The following DNAH7 variants were observed in gnomAD, a reference collection of about 807,000 sequenced individuals.
The protein encoded by DNAH7 is axonemal beta dynein heavy chain 7.
In DNAH7, 397 loss-of-function variants were observed where a neutral mutation model predicts 444.6. The observed-to-expected ratio is 0.89, with a 90% confidence interval of 0.82 to 0.97. The LOEUF is 0.97. DNAH7 is among the 50% of genes least tolerant of loss of function. DNAH7 has a pLI of 0.00. For synonymous variants in DNAH7, 1,636 were observed against 1,624.4 expected (o/e 1.01, Z -0.17); for missense variants, 4,902 against 4,800.8 (o/e 1.02, Z -0.62).
chr2:195,923,830 A>T, intron 22 of DNAH7, 23 bp from the exon 23 acceptor site: 1 of 1,601,080 alleles, frequency 6.2e-7, no homozygotes, highest in Non-Finnish European at 8.6e-7. Context: ...AAAATAAGAT[A>T]TGATTTCCCA....
intron 5 of DNAH7, among the ~76,000 whole-genome samples, chr2:196,039,358 C>T (rs1696586526): frequency 6.6e-6 from 1 of 151,816 alleles, no homozygotes; most frequent in South Asian, 2.1e-4. Context: ...AAAAGCAGTG[C>T]TAGAAGGGAA....
chr2:196,044,601 T>C (rs1426292405), intron 5 of DNAH7, among the ~76,000 whole-genome samples: 3 of 152,024 alleles, frequency 2.0e-5, no homozygotes, highest in Admixed American at 6.6e-5. Flanking sequence ...AAATAATAAT[T>C]TTAAAAAGGT....
chr2:195,852,913 C>CAG lies in DNAH7; in HGVS notation c.8781+429_8781+430insCT, dbSNP rs909240212. Among the ~76,000 whole-genome samples the CAG allele has an allele frequency of 7.6e-3, 1,021 of 134,576 alleles. 5 individuals carry two copies. Among genetic ancestry groups the CAG allele is most frequent in the African/African-American group, 0.016 (525 of 32,788 alleles). 88.3% of individuals were successfully genotyped at this position (134,576 alleles called of 152,430 possible). On this transcript the variant is annotated intron_variant, in intron 46 of 64. Transcript: ENST00000312428. Reference sequence around the variant, plus strand: ...AAGTACACACACACACACACACACACACAGAGAGAGAGAGAGAGAGAGAGA... The same window carrying CAG: ...AAGTACACACACACACACACACACACAGACAGAGAGAGAGAGAGAGAGAGAGA...
intron 49 of DNAH7, among the ~76,000 whole-genome samples, chr2:195,820,144 T>C (rs1697390017): frequency 6.6e-6 from 1 of 152,194 alleles, no homozygotes; most frequent in Non-Finnish European, 1.5e-5. Context: ...TGTATCAGAA[T>C]TCAATGTGTG....
chr2:195,802,850 C>T (rs2106009981), intron 54 of DNAH7, among the ~76,000 whole-genome samples: 1 of 152,274 alleles, frequency 6.6e-6, no homozygotes, highest in South Asian at 2.1e-4. Context: ...GTCATCCACC[C>T]TGCCACACCC....
chr2:195,875,062 G>C (rs1700969899), intron 38 of DNAH7, among the ~76,000 whole-genome samples: 1 of 152,164 alleles, frequency 6.6e-6, no homozygotes, highest in African/African-American at 2.4e-5. Context: ...AGCCATTTTA[G>C]ACACCCCAGC....
intron 12 of DNAH7, 146 bp from the exon 13 acceptor site, chr2:195,988,375 G>T: frequency 1.4e-6 from 1 of 697,468 alleles, no homozygotes; most frequent in Non-Finnish European, 2.1e-6. Flanking sequence ...TCTATAGAAA[G>T]ATATTAGACT....
intron 46 of DNAH7, among the ~76,000 whole-genome samples, chr2:195,849,624 G>C (rs531455114): frequency 2.0e-5 from 3 of 151,732 alleles, no homozygotes; most frequent in Non-Finnish European, 2.9e-5. Context: ...TTTTTGAGAC[G>C]GAATCTTAAC....
intron 63 of DNAH7, among the ~76,000 whole-genome samples, chr2:195,742,981 C>T (rs1012830006): frequency 1.3e-5 from 2 of 152,192 alleles, no homozygotes; most frequent in Admixed American, 1.3e-4. Context: ...GAGGCAGACC[C>T]ACCCTCAGTG....
chr2:195,830,442 GA>G (rs947345287), intron 48 of DNAH7, among the ~76,000 whole-genome samples: 4 of 152,030 alleles, frequency 2.6e-5, no homozygotes, highest in African/African-American at 9.7e-5. Context: ...CAAATTAATA[GA>G]AAAAAATCTT....
At chr2:195,982,814 A>G (rs1692663144) in intron 15 of DNAH7, among the ~76,000 whole-genome samples, 2 of 152,310 alleles carry the variant, frequency 1.3e-5, no homozygotes, top group Non-Finnish European at 2.9e-5. Context: ...GATGGTTACC[A>G]GAGGTTGTAA....
intron 8 of DNAH7, among the ~76,000 whole-genome samples, chr2:196,022,121 T>A (rs1035112166): frequency 3.9e-5 from 6 of 152,010 alleles, no homozygotes; most frequent in African/African-American, 1.4e-4. Flanking sequence ...AGTGAGACCC[T>A]GTCTCGGGAA....
At chr2:196,025,707 T>C (rs1354166907) in intron 7 of DNAH7, among the ~76,000 whole-genome samples, 1 of 152,214 alleles carries the variant, frequency 6.6e-6, no homozygotes, top group Non-Finnish European at 1.5e-5. Context: ...CTTTGCTTTA[T>C]ATTTAGTTAA....
chr2:195,857,340 G>T, intron 44 of DNAH7, 37 bp downstream of exon 44: 1 of 1,486,702 alleles, frequency 6.7e-7, no homozygotes, highest in Non-Finnish European at 9.0e-7. Flanking sequence ...AGTGAAGACA[G>T]ACCATACCAG....
At chr2:195,882,114 C>A in intron 35 of DNAH7, 122 bp from the exon 36 acceptor site, 1 of 735,410 alleles carries the variant, frequency 1.4e-6, no homozygotes, top group Non-Finnish European at 2.2e-6. Context: ...TTTGTTTTAT[C>A]CTTTAAGACA....
intron 46 of DNAH7, 79 bp from the exon 47 acceptor site, chr2:195,845,244 C>G (rs1698915485): frequency 8.3e-7 from 1 of 1,211,804 alleles, no homozygotes; most frequent in Non-Finnish European, 1.1e-6. Flanking sequence ...TCAATTTATA[C>G]TGTATTCATT....
intron 18 of DNAH7, among the ~76,000 whole-genome samples, chr2:195,958,666 A>T (rs548410354): frequency 1.3e-5 from 2 of 152,226 alleles, no homozygotes; most frequent in Non-Finnish European, 2.9e-5. Context: ...GTTTCTAAGT[A>T]TAGAGAATAT....
chr2:195,885,935 T>G (rs1701683486), intron 34 of DNAH7, among the ~76,000 whole-genome samples: 1 of 152,184 alleles, frequency 6.6e-6, no homozygotes. Context: ...CGCCCGAACC[T>G]CATGATGCAT....
Position 195,808,782 on chromosome 2 carries a change from C to G in DNAH7, c.9983G>C (p.Trp3328Ser), listed in dbSNP as rs755209725. ...ATCATCTAATCGACATATTTCATCC[C>G]AGGATTTCTGAGGAAGCCATGTACA... Reference protein sequence around the residue: ...NLCTWLPQKSWDEICRLDDLP... With the variant: ...NLCTWLPQKSSDEICRLDDLP... Residue 3328 changes from tryptophan to serine, a missense_variant, in exon 53 of 65, where the codon TGG (tryptophan) becomes TCG (serine). Physicochemically the swap from Trp to Ser is radical, Grantham distance 177. Coordinates refer to ENST00000312428, the MANE Select transcript of DNAH7 (RefSeq NM_018897.3). The G allele has an allele frequency of 1.2e-5, 19 of 1,613,886 alleles. No homozygotes were observed. Among genetic ancestry groups the G allele is most frequent in the Non-Finnish European group, 1.4e-5 (16 of 1,179,972 alleles).
Sources: allele counts gnomAD v4.1 joint callset (sites outside exome capture counted in the v4.1 genomes callset), GRCh38; gene constraint gnomAD v4.1.1; transcripts MANE v1.5; gene names NCBI Gene and HGNC (gene_info 2026-07-23, HGNC 2026-07-21).